The following TRERF1 variants were observed in gnomAD, a reference collection of about 807,000 sequenced individuals.
TRERF1 encodes transcriptional regulating factor 1.
A neutral mutation model predicts 122.9 loss-of-function variants in TRERF1; 27 were observed. The ratio of observed to expected loss-of-function variants is 0.22; its 90% CI spans 0.16 to 0.30. The LOEUF (loss-of-function observed/expected upper bound fraction) is 0.30, where lower values mean the gene tolerates loss of function less well. Ranked by LOEUF, TRERF1 falls within the 10% of genes least tolerant of loss-of-function variation. The probability of loss-of-function intolerance (pLI) is 1.00; values close to 1 mark genes in which losing one functional copy is unlikely to be tolerated. For missense variants in TRERF1, 1,248 were observed against 1,560.3 expected, an observed-to-expected ratio of 0.80 and a Z score of 3.37; for synonymous variants, 636 against 641.7, an observed-to-expected ratio of 0.99 and a Z score of 0.13.
chr6:42,408,040 C>A (rs1780447619), intron 2 of TRERF1, among the ~76,000 whole-genome samples: 1 of 151,570 alleles, frequency 6.6e-6, no homozygotes, highest in African/African-American at 2.4e-5. Context: ...AGTTTATGAT[C>A]CAGGCTTCAT....
At chr6:42,310,637 G>A (rs1329151807) in intron 3 of TRERF1, among the ~76,000 whole-genome samples, 1 of 152,152 alleles carries the variant, frequency 6.6e-6, no homozygotes, top group Non-Finnish European at 1.5e-5. Context: ...AGGACGATCT[G>A]GTCTAAAACG....
At chr6:42,382,235 A>T (rs566719926) in intron 2 of TRERF1, among the ~76,000 whole-genome samples, 46 of 151,312 alleles carry the variant, frequency 3.0e-4, no homozygotes, top group Non-Finnish European at 6.0e-4. Flanking sequence ...GGCACAGGAG[A>T]CTCATAGCAC....
intron 2 of TRERF1, among the ~76,000 whole-genome samples, chr6:42,444,469 A>G (rs950414224): frequency 4.6e-5 from 7 of 152,124 alleles, no homozygotes; most frequent in Non-Finnish European, 8.8e-5. Context: ...TCAAGTCCTA[A>G]GCCCAAACTC....
At chr6:42,283,945 C>A (rs1248134847) in intron 4 of TRERF1, among the ~76,000 whole-genome samples, 1 of 152,098 alleles carries the variant, frequency 6.6e-6, no homozygotes, top group African/African-American at 2.4e-5. Context: ...CACTTAATTG[C>A]AGTACATTAA....
At chr6:42,258,114 G>C (rs773932067) in intron 10 of TRERF1, 21 bp downstream of exon 10, 1 of 1,608,358 alleles carries the variant, frequency 6.2e-7, no homozygotes, top group Non-Finnish European at 8.5e-7. Context: ...CTGTTCTAAA[G>C]AGTAATTGAC....
intron 3 of TRERF1, among the ~76,000 whole-genome samples, chr6:42,350,957 G>C (rs1769311569): frequency 6.6e-6 from 1 of 151,814 alleles, no homozygotes; most frequent in Non-Finnish European, 1.5e-5. Context: ...GACCCAAAGA[G>C]GCAATTCTCT....
At chr6:42,439,415 T>C (rs1222802784) in intron 2 of TRERF1, among the ~76,000 whole-genome samples, 2 of 152,052 alleles carry the variant, frequency 1.3e-5, no homozygotes, top group African/African-American at 4.8e-5. Flanking sequence ...AGACATGGTA[T>C]ACCCTTAAGA....
Position 42,269,005 on chromosome 6 carries a change from C to A in TRERF1, c.586G>T (p.Ala196Ser), listed in dbSNP as rs1373159829. The A allele has an allele frequency of 1.9e-6, 3 of 1,613,388 alleles. No homozygotes were observed. The highest frequency in any genetic ancestry group is 1.3e-5 in the African/African-American group (1 of 75,030). Residue 196 changes from alanine (A) to serine (S), a missense_variant, in exon 5 of 18, where the codon GCT becomes TCT. Transcript: ENST00000372922. The surrounding 1 kb of genome is among the most constrained non-coding windows in gnomAD (Gnocchi z 4.9). The stretch of plus-strand genomic sequence containing the variant: ...ACCTGCTGGTAGCGGGAAGGGATAG[C>A]CGGTGCTGGGGGCTCCATGGGCTTC...
At chr6:42,434,827 T>C (rs1303830403) in intron 2 of TRERF1, among the ~76,000 whole-genome samples, 1 of 152,110 alleles carries the variant, frequency 6.6e-6, no homozygotes, top group Non-Finnish European at 1.5e-5. Flanking sequence ...TAAATTATTA[T>C]TGTCTACATA....
Position 42,390,223 on chromosome 6 carries a change from C to T in TRERF1, c.-453-27144G>A, listed in dbSNP as rs1190042373. Among the ~76,000 whole-genome samples the T allele has an allele frequency of 3.3e-5, 5 of 152,164 alleles. No homozygotes were observed. In the East Asian group the frequency reaches 9.6e-4, roughly 29 times the overall value. ...AGAGGCACAATTTAAATAACTTTCC[C>T]AGCCTTTAATTAAGCAAAGTAGAGT... On this transcript the variant is annotated intron_variant, in intron 2 of 17. Transcript: ENST00000372922.
intron 3 of TRERF1, among the ~76,000 whole-genome samples, chr6:42,321,086 A>G (rs1009465047): frequency 6.6e-6 from 1 of 152,048 alleles, no homozygotes; most frequent in Non-Finnish European, 1.5e-5. Flanking sequence ...ATAAAATCTG[A>G]AGTCAGAAGA....
chr6:42,280,080 C>T (rs906492342), intron 4 of TRERF1, among the ~76,000 whole-genome samples: 6 of 152,058 alleles, frequency 3.9e-5, no homozygotes, highest in Admixed American at 2.0e-4. Flanking sequence ...CAGGTTATGA[C>T]GTCGGTGCCA....
chr6:42,379,161 C>G (rs186633333), intron 2 of TRERF1, among the ~76,000 whole-genome samples: 1 of 152,066 alleles, frequency 6.6e-6, no homozygotes, highest in East Asian at 2.0e-4. Flanking sequence ...TACCACCCCC[C>G]ACAGTCTTTC....
chr6:42,288,983 G>A (rs1783801004), intron 4 of TRERF1, among the ~76,000 whole-genome samples: 1 of 151,178 alleles, frequency 6.6e-6, no homozygotes, highest in African/African-American at 2.4e-5. Flanking sequence ...GTGTGTGTGT[G>A]TGTGTGTGTG....
intron 9 of TRERF1, among the ~76,000 whole-genome samples, chr6:42,258,794 G>A (rs570822371): frequency 3.2e-4 from 49 of 152,232 alleles, no homozygotes; most frequent in African/African-American, 1.1e-3. Flanking sequence ...GAGTGCAGTG[G>A]CATGATCTTG....
intron 2 of TRERF1, among the ~76,000 whole-genome samples, chr6:42,449,077 C>T (rs1788022140): frequency 6.6e-6 from 1 of 152,218 alleles, no homozygotes; most frequent in African/African-American, 2.4e-5. Flanking sequence ...TTATAGGAGG[C>T]AAAACTGAGT....
chr6:42,298,141 T>G (rs975292672), intron 4 of TRERF1, among the ~76,000 whole-genome samples: 1 of 151,856 alleles, frequency 6.6e-6, no homozygotes, highest in Non-Finnish European at 1.5e-5. Context: ...GTTGTTGTTT[T>G]TTTTTGTTTT....
At chr6:42,402,508 G>A (rs1366422111) in intron 2 of TRERF1, among the ~76,000 whole-genome samples, 1 of 152,202 alleles carries the variant, frequency 6.6e-6, no homozygotes, top group African/African-American at 2.4e-5. Context: ...CCAGCTCTTA[G>A]GGACTGAAGG....
In TRERF1 at chr6:42,441,752, G is replaced by A. The variant is rs148138203; in HGVS notation, c.-454+9425C>T. ...AGTGTCAGGCTCTGTGCTAGAGGCC[G>A]GGGGGTACAGAAATGAGTGATGACC... is the stretch of plus-strand genomic sequence containing the variant. On this transcript the variant is annotated intron_variant, in intron 2 of 17. Transcript: ENST00000372922. Among the ~76,000 whole-genome samples, 448 of 152,096 alleles carry A rather than the reference G, an allele frequency of 2.9e-3. 2 individuals carry two copies. Among genetic ancestry groups the A allele is most frequent in the African/African-American group, 9.8e-3 (406 of 41,494 alleles).
Sources: allele counts gnomAD v4.1 joint callset (sites outside exome capture counted in the v4.1 genomes callset), GRCh38; gene constraint gnomAD v4.1.1; non-coding constraint Gnocchi (gnomAD v3.1); transcripts MANE v1.5; gene names NCBI Gene and HGNC (gene_info 2026-07-23, HGNC 2026-07-21).